Variants in CNTN3 observed in about 807,000 individuals in gnomAD.
CNTN3 encodes contactin 3.
CNTN3 carries 60 observed loss-of-function variants against 119.1 expected under a neutral mutation model. That is an observed-to-expected ratio of 0.50 (90% CI 0.41 to 0.62). The LOEUF (loss-of-function observed/expected upper bound fraction) is 0.62. CNTN3 is among the 20% of genes least tolerant of loss of function. The probability of loss-of-function intolerance (pLI) is 0.00; values close to 1 mark genes in which losing one functional copy is unlikely to be tolerated. For synonymous variants in CNTN3, 450 were observed against 438.7 expected, an observed-to-expected ratio of 1.03 and a Z score of -0.32; for missense variants, 1,101 against 1,242.4, an observed-to-expected ratio of 0.89 and a Z score of 1.71.
At chr3:74,569,497 G>A (rs779429763) in intron 1 of CNTN3, among the ~76,000 whole-genome samples, 4 of 152,138 alleles carry the variant, frequency 2.6e-5, no homozygotes, top group Non-Finnish European at 4.4e-5. Context: ...CCCAGGGAAC[G>A]TTTCTCTTGG....
At chr3:74,320,917 T>C (rs1702972799) in intron 13 of CNTN3, among the ~76,000 whole-genome samples, 1 of 151,736 alleles carries the variant, frequency 6.6e-6, no homozygotes, top group African/African-American at 2.4e-5. Flanking sequence ...TGCTTGAAAT[T>C]CAGCACATAT....
intron 1 of CNTN3, among the ~76,000 whole-genome samples, chr3:74,606,261 A>G (rs1055466334): frequency 3.3e-5 from 5 of 152,102 alleles, no homozygotes; most frequent in African/African-American, 1.2e-4. Context: ...AACTTTAAAA[A>G]CAGGGGCATA....
chr3:74,588,065 T>G (rs1373162981), intron 1 of CNTN3, among the ~76,000 whole-genome samples: 2 of 152,176 alleles, frequency 1.3e-5, no homozygotes, highest in East Asian at 3.9e-4. Flanking sequence ...GTGGTTTTTG[T>G]CTTTGGTTCT....
At chr3:74,577,659 C>CT (rs36016422) in intron 1 of CNTN3, among the ~76,000 whole-genome samples, 3,937 of 151,624 alleles carry the variant, frequency 0.026, 78 homozygotes, top group South Asian at 0.04. Context: ...AACCTATTGC[C>CT]TTTTTTTTAA....
intron 13 of CNTN3, among the ~76,000 whole-genome samples, chr3:74,334,279 C>T (rs149531998): frequency 6.6e-6 from 1 of 152,220 alleles, no homozygotes; most frequent in East Asian, 1.9e-4. Context: ...TACAATGAAG[C>T]GTCTTACTGC....
intron 11 of CNTN3, among the ~76,000 whole-genome samples, chr3:74,345,749 T>C (rs1276609061): frequency 6.6e-6 from 1 of 152,230 alleles, no homozygotes; most frequent in Admixed American, 6.5e-5. Context: ...CCTTATCACA[T>C]TGTTTCATTT....
At chr3:74,279,221 G>A (rs1455024040) in intron 20 of CNTN3, among the ~76,000 whole-genome samples, 1 of 152,060 alleles carries the variant, frequency 6.6e-6, no homozygotes, top group East Asian at 1.9e-4. Flanking sequence ...ATGAACAAAA[G>A]TAGCACCACT....
chr3:74,473,122 T>C (rs1460070733), intron 4 of CNTN3, among the ~76,000 whole-genome samples: 1 of 150,700 alleles, frequency 6.6e-6, no homozygotes, highest in Non-Finnish European at 1.5e-5. Context: ...CCTCTACTGA[T>C]AGGAGCAATG....
intron 5 of CNTN3, among the ~76,000 whole-genome samples, chr3:74,398,361 C>T (rs951149325): frequency 1.3e-5 from 2 of 152,194 alleles, no homozygotes; most frequent in Admixed American, 1.3e-4. Context: ...CCTCTACTAG[C>T]AAAAAGTTTA....
chr3:74,271,987 C>T (rs1002609159), intron 20 of CNTN3, among the ~76,000 whole-genome samples: 9 of 152,218 alleles, frequency 5.9e-5, no homozygotes, highest in Admixed American at 2.0e-4. Context: ...TTTTGGTTTT[C>T]GACGTCTAGG....
chr3:74,302,053 C>T (rs768706418), intron 14 of CNTN3, among the ~76,000 whole-genome samples: 3 of 152,172 alleles, frequency 2.0e-5, no homozygotes, highest in South Asian at 2.1e-4. Context: ...ATAATACTCT[C>T]TGATTGCAGA....
At chr3:74,265,962 G>A (rs1414644203) in intron 22 of CNTN3, among the ~76,000 whole-genome samples, 1 of 152,056 alleles carries the variant, frequency 6.6e-6, no homozygotes, top group African/African-American at 2.4e-5. Flanking sequence ...AGTAAAATAG[G>A]TTTTACTTGG....
intron 5 of CNTN3, among the ~76,000 whole-genome samples, chr3:74,410,177 A>G (rs1396200158): frequency 6.6e-6 from 1 of 151,752 alleles, no homozygotes; most frequent in Non-Finnish European, 1.5e-5. Context: ...CTTACTCTCT[A>G]CTCTTGTACT....
intron 5 of CNTN3, among the ~76,000 whole-genome samples, chr3:74,403,408 T>C (rs896535148): frequency 6.6e-6 from 1 of 152,314 alleles, no homozygotes; most frequent in South Asian, 2.1e-4. Context: ...AGGAGGTTGA[T>C]GGTTATCCCT....
intron 1 of CNTN3, among the ~76,000 whole-genome samples, chr3:74,594,273 C>CTTTTTTTTTTTTTTTTTCTTTTTTT (rs59436860): frequency 8.9e-6 from 1 of 112,068 alleles, no homozygotes; most frequent in Non-Finnish European, 2.0e-5. Flanking sequence ...TTCTTTTTTT[C>CTTTTTTTTTTTTTTTTTCTTTTTTT]TTTTTTTTTT....
intron 14 of CNTN3, among the ~76,000 whole-genome samples, 162 bp from the exon 15 acceptor site, chr3:74,301,967 A>G (rs182143431): frequency 6.6e-6 from 1 of 152,268 alleles, no homozygotes; most frequent in African/African-American, 2.4e-5. Flanking sequence ...TAGAACAACT[A>G]CTTCCCTCTA....
Position 74,371,646 on chromosome 3 carries a change from C to T in CNTN3, c.455-247G>A, listed in dbSNP as rs373730683. 3.8e-4 allele frequency among the ~76,000 whole-genome samples: 58 copies of T among 152,248 alleles called. 2 individuals carry two copies. The East Asian group carries it at 5.2e-3, about 14-fold the overall frequency. On this transcript the variant is annotated intron_variant, in intron 5 of 22. Transcript: ENST00000263665. ...ACTGTCATAATATCTCTGCTTCAGA[C>T]ACCTTCTAACAAGCTTCTCTGGTCT...
intron 4 of CNTN3, among the ~76,000 whole-genome samples, chr3:74,461,953 G>A (rs973520415): frequency 6.6e-6 from 1 of 152,114 alleles, no homozygotes; most frequent in African/African-American, 2.4e-5. Flanking sequence ...CAAATCTCAT[G>A]TTGACTTGTA....
chr3:74,481,674 A>C (rs1291928109), intron 4 of CNTN3, among the ~76,000 whole-genome samples: 2 of 151,886 alleles, frequency 1.3e-5, no homozygotes. Flanking sequence ...AGAATAAGTT[A>C]ACCATACAAG....
Sources: allele counts gnomAD v4.1 joint callset (sites outside exome capture counted in the v4.1 genomes callset), GRCh38; gene constraint gnomAD v4.1.1; transcripts MANE v1.5; gene names NCBI Gene and HGNC (gene_info 2026-07-23, HGNC 2026-07-21).